CEP295: variants seen among roughly 807,000 people sequenced by gnomAD.
CEP295 encodes the protein centrosomal protein of 295 kDa.
CEP295 carries 190 observed loss-of-function variants against 291.6 expected under a neutral mutation model. That is an observed-to-expected ratio of 0.65 (90% CI 0.58 to 0.73). CEP295 has a LOEUF of 0.73. Ranked by LOEUF, CEP295 falls within the 30% of genes least tolerant of loss-of-function variation. CEP295 has a pLI of 0.00. For missense variants in CEP295, 2,863 were observed against 2,949.4 expected (o/e 0.97, Z 0.68); for synonymous variants, 993 against 1,038.8 (o/e 0.96, Z 0.85).
chr11:93,671,560 G>A (rs1950450190), intron 5 of CEP295, among the ~76,000 whole-genome samples: 2 of 152,146 alleles, frequency 1.3e-5, no homozygotes, highest in Non-Finnish European at 2.9e-5. Context: ...TGGAGAAGTG[G>A]TACTTATAAA....
intron 18 of CEP295, among the ~76,000 whole-genome samples, chr11:93,718,934 C>T (rs913886888): frequency 2.6e-5 from 4 of 152,158 alleles, no homozygotes; most frequent in South Asian, 2.1e-4. Context: ...TATGGTGAAA[C>T]CCCGTCTCTA....
At chr11:93,724,848 A>G (rs1378766323) in intron 22 of CEP295, among the ~76,000 whole-genome samples, 1 of 152,156 alleles carries the variant, frequency 6.6e-6, no homozygotes, top group Non-Finnish European at 1.5e-5. Flanking sequence ...TATTGTCCAG[A>G]CTACACCCTA....
intron 4 of CEP295, 149 bp downstream of exon 4, chr11:93,669,081 A>G: frequency 1.9e-6 from 1 of 528,786 alleles, no homozygotes. Flanking sequence ...AATGTTGGGG[A>G]CAGGGAATGA....
chr11:93,703,044 A>C (rs1591081066), intron 17 of CEP295, 125 bp downstream of exon 17: 1 of 757,560 alleles, frequency 1.3e-6, no homozygotes, highest in East Asian at 2.9e-5. Flanking sequence ...GCTCACTGAA[A>C]CCTCTGCCTT....
Position 93,712,679 on chromosome 11 carries a change from A to G in CEP295, c.5749+5782A>G, listed in dbSNP as rs144379717. 1.2e-3 allele frequency among the ~76,000 whole-genome samples: 188 copies of G among 152,304 alleles called. 1 individual carries two copies. Among genetic ancestry groups the G allele is most frequent in the African/African-American group, 4.2e-3 (176 of 41,564 alleles). On this transcript the variant is annotated intron_variant, in intron 18 of 29. Transcript: ENST00000325212. ...TAGGTGAAGTGTATTTCTTGTAGGT[A>G]ACAGATCATTGGATCTTGTTTTTTT...
chr11:93,711,563 C>T (rs1320282744), intron 18 of CEP295, among the ~76,000 whole-genome samples: 1 of 152,154 alleles, frequency 6.6e-6, no homozygotes, highest in Non-Finnish European at 1.5e-5. Context: ...AGTGCAGTGG[C>T]ACGATCTTGG....
intron 18 of CEP295, among the ~76,000 whole-genome samples, chr11:93,713,240 C>A (rs1192775840): frequency 1.3e-5 from 2 of 152,168 alleles, no homozygotes; most frequent in African/African-American, 4.8e-5. Context: ...TTACACAAAA[C>A]AATTACAGTT....
chr11:93,696,100 A>G (rs1951831951), intron 13 of CEP295, among the ~76,000 whole-genome samples: 1 of 152,252 alleles, frequency 6.6e-6, no homozygotes, highest in Non-Finnish European at 1.5e-5. Flanking sequence ...ATAGGATACT[A>G]ATAGATACGA....
At chr11:93,691,563 A>T in intron 10 of CEP295, 120 bp from the exon 11 acceptor site, 1 of 641,876 alleles carries the variant, frequency 1.6e-6, no homozygotes, top group African/African-American at 1.9e-5. Flanking sequence ...ACTGGATCTT[A>T]ACTAGATGAG....
intron 10 of CEP295, among the ~76,000 whole-genome samples, chr11:93,690,098 A>G (rs955235626): frequency 1.3e-5 from 2 of 152,190 alleles, no homozygotes; most frequent in Non-Finnish European, 2.9e-5. Flanking sequence ...CTCATAGTCA[A>G]TCCGTGACCA....
chr11:93,722,112 A>G, intron 20 of CEP295, 62 bp downstream of exon 20: 1 of 916,460 alleles, frequency 1.1e-6, no homozygotes, highest in Non-Finnish European at 1.7e-6. Context: ...GTTGCAATAC[A>G]GTGATGGAAG....
chr11:93,715,489 C>CAA (rs1198039803), intron 18 of CEP295, among the ~76,000 whole-genome samples: 1 of 152,204 alleles, frequency 6.6e-6, no homozygotes, highest in Admixed American at 6.5e-5. Flanking sequence ...CCACTGTGGC[C>CAA]AAGCTGGTAC....
intron 1 of CEP295, among the ~76,000 whole-genome samples, chr11:93,665,493 A>G (rs2134761390): frequency 6.6e-6 from 1 of 152,310 alleles, no homozygotes. Context: ...GGATCACTTG[A>G]GGTCAGGAGT....
At position 93,699,164 on chromosome 11, in the gene CEP295, G is replaced by T. The variant is rs1952005618; in HGVS notation, c.4252G>T (p.Glu1418Ter). 3.2e-6 allele frequency: 5 copies of T among 1,551,748 alleles called. No individual in the cohort carries two copies. The highest frequency in any genetic ancestry group is 4.4e-6 in the Non-Finnish European group (5 of 1,147,050). ...LPLNESERNQ[E>*]PCSINSDNIV... ...TCTTAATGAATCTGAAAGAAACCAA[G>T]AACCATGTTCAATTAACAGTGATAA... is the stretch of plus-strand genomic sequence containing the variant. The change falls in exon 15 of 30, where the codon GAA becomes TAA. Residue 1418 changes from glutamate (E) to a stop codon, truncating the protein, a stop_gained. Transcript: ENST00000325212. LOFTEE classifies it high-confidence loss of function.
At position 93,698,516 on chromosome 11, in the gene CEP295, A is replaced by T; in HGVS notation, c.3604A>T (p.Thr1202Ser). The part of the protein sequence containing the change: ...ELEKRISSEQ[T>S]GTSSSLSQVD... ...GGAGAAAAGAATTTCTTCTGAACAGACTGGCACCTCCTCATCCCTTTCCCA... is the reference window on the plus strand; with the variant it reads ...GGAGAAAAGAATTTCTTCTGAACAGTCTGGCACCTCCTCATCCCTTTCCCA... Residue 1202 changes from threonine (T) to serine (S), a missense_variant, in exon 15 of 30, where the codon ACT becomes TCT. By Grantham distance (58) the Thr-to-Ser change is moderately conservative. This residue lies in a region of CEP295 where 2,295 missense variants were observed against 2,335.7 expected (regional missense o/e 0.98). Transcript: ENST00000325212. 6.4e-7 allele frequency: 1 copy of T among 1,552,106 alleles called. No homozygotes were observed. The highest frequency in any genetic ancestry group is 1.4e-5 in the African/African-American group (1 of 73,178).
chr11:93,691,280 T>C (rs947152139), intron 10 of CEP295, among the ~76,000 whole-genome samples: 8 of 152,222 alleles, frequency 5.3e-5, no homozygotes, highest in African/African-American at 1.9e-4. Context: ...ACAAATTGCT[T>C]TAACTTCCTT....
chr11:93,663,355 C>T (rs957335652), intron 1 of CEP295, among the ~76,000 whole-genome samples: 1 of 152,172 alleles, frequency 6.6e-6, no homozygotes, highest in African/African-American at 2.4e-5. Flanking sequence ...TTATCAGCTC[C>T]CTCCCATTTT....
rs998174584 is a variant in CEP295, at chr11:93,699,905, C to G, written c.4993C>G (p.Pro1665Ala). ...TCCACTACCTTTTGCAGAAGCTAAA[C>G]CTAAAAGCACTTGTGAATTGTATTC... ...FIPLPFAEAK[P>A]KSTCELYSSQ... Residue 1665 changes from proline (P) to alanine (A), a missense_variant, in exon 15 of 30, where the codon CCT (proline) becomes GCT (alanine). By Grantham distance (27) the Pro-to-Ala change is conservative. Transcript: ENST00000325212. 5.5e-5 allele frequency: 85 copies of G among 1,551,690 alleles called. No homozygotes were observed. Among genetic ancestry groups the G allele is most frequent in the Non-Finnish European group, 7.1e-5 (81 of 1,147,006 alleles).
chr11:93,695,432 A>T, intron 12 of CEP295, 65 bp from the exon 13 acceptor site: 2 of 1,087,934 alleles, frequency 1.8e-6, no homozygotes, highest in Non-Finnish European at 2.5e-6. Flanking sequence ...TTTAAATGGA[A>T]CGTGTGTTAT....
Sources: allele counts gnomAD v4.1 joint callset (sites outside exome capture counted in the v4.1 genomes callset), GRCh38; gene constraint gnomAD v4.1.1; regional missense constraint gnomAD v4.1.1; transcripts MANE v1.5; gene names NCBI Gene and HGNC (gene_info 2026-07-23, HGNC 2026-07-21).